CACNA1C: variants seen among roughly 807,000 people sequenced by gnomAD.
The protein encoded by CACNA1C is voltage-dependent L-type calcium channel subunit alpha-1C.
Under a neutral mutation model 229.0 loss-of-function variants are expected in CACNA1C, and 30 were observed. The observed-to-expected ratio is 0.13, with a 90% confidence interval of 0.10 to 0.18. The LOEUF (loss-of-function observed/expected upper bound fraction) is 0.18, where lower values mean the gene tolerates loss of function less well. Ranked by LOEUF, CACNA1C falls within the 10% of genes least tolerant of loss-of-function variation. The pLI is 1.00. For missense variants in CACNA1C, 1,658 were observed against 2,845.0 expected, an observed-to-expected ratio of 0.58 and a Z score of 9.49; for synonymous variants, 1,114 against 1,132.5, an observed-to-expected ratio of 0.98 and a Z score of 0.33.
chr12:2,513,350 A>G lies in CACNA1C; in HGVS notation c.1390+366A>G, dbSNP rs7306685. Among the ~76,000 whole-genome samples the G allele has an allele frequency of 1.8e-3, 281 of 152,338 alleles. 9 individuals are homozygous for G. The East Asian group carries it at 0.046, about 25-fold the overall frequency. On this transcript the variant is annotated intron_variant, in intron 9 of 46. Transcript: ENST00000399655. ...AGCGCAGGCTTGTTTAAAAGGAACA[A>G]TGTGTGCCAAGCAGCTGCCTGGAAA...
At chr12:2,173,276 ATTAC>A (rs936831770) in intron 3 of CACNA1C, among the ~76,000 whole-genome samples, 5 of 152,182 alleles carry the variant, frequency 3.3e-5, no homozygotes, top group African/African-American at 1.2e-4. Context: ...TGCAGAGACC[ATTAC>A]TTAGTCAGTT....
intron 9 of CACNA1C, among the ~76,000 whole-genome samples, chr12:2,535,001 G>C (rs895431872): frequency 6.6e-6 from 1 of 152,298 alleles, no homozygotes; most frequent in African/African-American, 2.4e-5. Flanking sequence ...CTGATACATG[G>C]GAGAGGGAAG....
chr12:2,351,267 A>G (rs891381349), intron 3 of CACNA1C, among the ~76,000 whole-genome samples: 1 of 152,168 alleles, frequency 6.6e-6, no homozygotes, highest in African/African-American at 2.4e-5. Context: ...ATACTGCCAA[A>G]TGTCCCCTGG....
intron 1 of CACNA1C, among the ~76,000 whole-genome samples, chr12:1,999,407 T>G (rs1032774863): frequency 6.6e-6 from 1 of 152,234 alleles, no homozygotes; most frequent in African/African-American, 2.4e-5. Context: ...TTATGGAATA[T>G]GAAATTATAA....
intron 3 of CACNA1C, among the ~76,000 whole-genome samples, chr12:2,188,217 GA>G (rs1244104661): frequency 2.0e-5 from 3 of 152,168 alleles, no homozygotes; most frequent in Non-Finnish European, 2.9e-5. Flanking sequence ...TCAAACATCT[GA>G]AAATGCATCT....
rs531161884 is a variant in CACNA1C at position 2,679,472 on chromosome 12, T to C, written c.5120T>C (p.Val1707Ala). ...GCCGGTGGCCTGTTCGGCAACCACG[T>C]CAGCTACTACCAAAGCGACGGCCGG... ...RRAGGLFGNH[V>A]SYYQSDGRSA... The change falls in exon 42 of 47, where the codon GTC (valine) becomes GCC (alanine). Residue 1707 changes from valine (V) to alanine (A), a missense_variant. Coordinates refer to ENST00000399655, the MANE Select transcript of CACNA1C (RefSeq NM_000719.7). The surrounding 1 kb of genome is among the most constrained non-coding windows in gnomAD (Gnocchi z 5.5). 2.3e-5 allele frequency: 36 copies of C among 1,592,324 alleles called. No homozygotes were observed. In the East Asian group the frequency reaches 7.7e-4, roughly 34 times the overall value.
chr12:2,688,380 G>A, intron 45 of CACNA1C, 67 bp from the exon 46 acceptor site: 1 of 1,475,454 alleles, frequency 6.8e-7, no homozygotes. Context: ...TGCTTGCTCA[G>A]AAGCAGGGGC....
rs1292503025 is a variant in CACNA1C at position 2,690,991 on chromosome 12, C to T, written c.6209C>T (p.Thr2070Ile). The T allele has an allele frequency of 1.2e-6, 2 of 1,600,658 alleles. No individual in the cohort carries two copies. The highest frequency in any genetic ancestry group is 1.7e-5 in the Admixed American group (1 of 58,208). Residue 2070 changes from threonine to isoleucine, a missense_variant, in exon 47 of 47, where the codon ACC becomes ATC. Coordinates refer to ENST00000399655, the MANE Select transcript of CACNA1C (RefSeq NM_000719.7). Reference sequence around the variant, plus strand: ...GAGCTGGCCGACGCCTGCGACATGACCATAGAGGAGATGGAGAGCGCGGCC... The same window carrying T: ...GAGCTGGCCGACGCCTGCGACATGATCATAGAGGAGATGGAGAGCGCGGCC... ...TQELADACDM[T>I]IEEMESAADN...
chr12:2,625,000 T>A (rs914900425), intron 29 of CACNA1C, among the ~76,000 whole-genome samples: 1 of 152,172 alleles, frequency 6.6e-6, no homozygotes, highest in Non-Finnish European at 1.5e-5. Flanking sequence ...CCCCTGATTA[T>A]TATTTATTTG....
chr12:2,569,945 A>G (rs1018454748), intron 13 of CACNA1C, among the ~76,000 whole-genome samples: 1 of 152,208 alleles, frequency 6.6e-6, no homozygotes. Context: ...TCACATTCTC[A>G]CAAGCATCGT....
intron 3 of CACNA1C, among the ~76,000 whole-genome samples, chr12:2,327,790 T>G (rs2096385258): frequency 6.6e-6 from 1 of 152,196 alleles, no homozygotes; most frequent in African/African-American, 2.4e-5. Flanking sequence ...AGTTACCTCA[T>G]TATAGGTACT....
intron 3 of CACNA1C, among the ~76,000 whole-genome samples, chr12:2,153,085 A>C (rs931678533): frequency 6.6e-6 from 1 of 152,028 alleles, no homozygotes; most frequent in Non-Finnish European, 1.5e-5. Flanking sequence ...TAGGAGATAG[A>C]CTCATTTCGG....
chr12:2,312,027 C>T (rs1374614128), intron 3 of CACNA1C, among the ~76,000 whole-genome samples: 1 of 152,072 alleles, frequency 6.6e-6, no homozygotes, highest in Non-Finnish European at 1.5e-5. Flanking sequence ...CATTTATTTC[C>T]CCCACGTAAT....
In CACNA1C at chr12:2,488,098, GC is replaced by G. The variant is rs1388699700; in HGVS notation, c.916+1838del. ...GGGGAGAGCGAAATGGTAGAATTCA[GC>G]CATCGAGCCAAAGATGGCGGCCCTG... On this transcript the variant is annotated intron_variant, in intron 6 of 46. Transcript: ENST00000399655. This position sits in a 1 kb window ranked among gnomAD's most constrained non-coding sequence, Gnocchi z 4.0. Among the ~76,000 whole-genome samples, 3 of 152,190 alleles carry G rather than the reference GC, an allele frequency of 2.0e-5. No homozygotes were observed. The highest frequency in any genetic ancestry group is 4.4e-5 in the Non-Finnish European group (3 of 68,022).
intron 7 of CACNA1C, among the ~76,000 whole-genome samples, chr12:2,499,542 G>A (rs1274844570): frequency 6.6e-6 from 1 of 152,184 alleles, no homozygotes; most frequent in East Asian, 1.9e-4. Flanking sequence ...GTTTAAATCT[G>A]GGGTTCCCTT....
At chr12:2,071,027 C>T (rs2061023249) in intron 1 of CACNA1C, among the ~76,000 whole-genome samples, 1 of 130,058 alleles carries the variant, frequency 7.7e-6, no homozygotes, top group South Asian at 2.9e-4. Flanking sequence ...TCCTTCCTTC[C>T]TCCTTCCTTC....
intron 1 of CACNA1C, among the ~76,000 whole-genome samples, chr12:1,974,948 A>C (rs527545055): frequency 7.2e-5 from 11 of 152,262 alleles, no homozygotes; most frequent in African/African-American, 2.6e-4. Flanking sequence ...TGAAGAACAG[A>C]CTTCTTCATA....
At chr12:2,648,820 C>T (rs2094608541) in intron 31 of CACNA1C, among the ~76,000 whole-genome samples, 1 of 152,124 alleles carries the variant, frequency 6.6e-6, no homozygotes. Flanking sequence ...CCTGAGGACT[C>T]CACCGGCCAA....
rs1362845415 is a variant in CACNA1C, at chr12:2,597,756, G to A, written c.2853+467G>A. On this transcript the variant is annotated intron_variant, in intron 21 of 46. Transcript: ENST00000399655. This position sits in a 1 kb window ranked among gnomAD's most constrained non-coding sequence, Gnocchi z 4.3. ...GGCCTGGAAGGGACACGTGTTGGCT[G>A]TGCCAACATTAAGGCTGCCATTTCA... 1.3e-5 allele frequency among the ~76,000 whole-genome samples: 2 copies of A among 152,210 alleles called. No individual in the cohort carries two copies. Among genetic ancestry groups the A allele is most frequent in the East Asian group, 1.9e-4 (1 of 5,190 alleles).
Sources: gnomAD v4.1 joint callset for allele counts (sites outside exome capture counted in the v4.1 genomes callset) on GRCh38, gnomAD v4.1.1 for gene constraint, Gnocchi (gnomAD v3.1) non-coding constraint, MANE v1.5 for transcripts, NCBI Gene and HGNC (gene_info 2026-07-23, HGNC 2026-07-21) for gene names.